ZNF536: variants seen among roughly 807,000 people sequenced by gnomAD.
The protein encoded by ZNF536 is zinc finger protein 536.
Under a neutral mutation model 84.5 loss-of-function variants are expected in ZNF536, and 13 were observed. The ratio of observed to expected loss-of-function variants is 0.15; its 90% CI spans 0.10 to 0.24. ZNF536 has a LOEUF of 0.24. Among genes scored for constraint, ZNF536 ranks in the 10% least tolerant of loss-of-function variants. ZNF536 has a pLI of 1.00. For missense variants in ZNF536, 1,536 were observed against 1,747.5 expected (o/e 0.88, Z 2.16); for synonymous variants, 811 against 742.5 (o/e 1.09, Z -1.50).
chr19:30,666,836 A>G (rs2050340480), intron 1 of ZNF536, among the ~76,000 whole-genome samples: 1 of 139,880 alleles, frequency 7.1e-6, no homozygotes, highest in Non-Finnish European at 1.6e-5. Context: ...GTGTGTGTAT[A>G]TATATATATA....
intron 1 of ZNF536, among the ~76,000 whole-genome samples, chr19:30,690,684 G>T (rs537597749): frequency 2.5e-4 from 38 of 152,204 alleles, no homozygotes; most frequent in Admixed American, 2.4e-3. Flanking sequence ...ATACCCAGCT[G>T]CCCCATTTCC....
At chr19:30,622,642 G>A (rs2048524269) in intron 1 of ZNF536, among the ~76,000 whole-genome samples, 1 of 152,172 alleles carries the variant, frequency 6.6e-6, no homozygotes, top group South Asian at 2.1e-4. Flanking sequence ...CAGACTATCT[G>A]GGGATGCTTT....
chr19:30,683,534 G>A (rs996491989), intron 1 of ZNF536, among the ~76,000 whole-genome samples: 3 of 152,112 alleles, frequency 2.0e-5, no homozygotes, highest in African/African-American at 7.2e-5. Context: ...CTGGGACTAG[G>A]AGGATAACCT....
At chr19:30,272,251 T>C (rs953774634) in intron 1 of ZNF536, among the ~76,000 whole-genome samples, 2 of 152,210 alleles carry the variant, frequency 1.3e-5, no homozygotes, top group African/African-American at 4.8e-5. Flanking sequence ...TGTAAATTAT[T>C]TTTTGAGCAG....
intron 1 of ZNF536, among the ~76,000 whole-genome samples, chr19:30,671,712 C>G (rs1224862729): frequency 6.6e-6 from 1 of 152,148 alleles, no homozygotes; most frequent in Non-Finnish European, 1.5e-5. Context: ...TGCGCTATCT[C>G]AGGAAGCACT....
At chr19:30,560,378 C>A (rs1269668044), downstream of ZNF536, among the ~76,000 whole-genome samples, 3 of 152,086 alleles carry the variant, frequency 2.0e-5, no homozygotes, top group Non-Finnish European at 4.4e-5. Context: ...CCCACCTCCC[C>A]TGTAAACCAC....
chr19:30,639,775 T>C (rs2049197299), intron 1 of ZNF536, among the ~76,000 whole-genome samples: 1 of 152,210 alleles, frequency 6.6e-6, no homozygotes, highest in Non-Finnish European at 1.5e-5. Context: ...ACTACGGATG[T>C]CTCTGCTTTG....
downstream of ZNF536, among the ~76,000 whole-genome samples, chr19:30,561,106 T>G (rs981258906): frequency 2.0e-5 from 3 of 152,264 alleles, no homozygotes; most frequent in African/African-American, 4.8e-5. Flanking sequence ...TTTGAACTTC[T>G]GTTGTTGTCA....
chr19:30,578,838 A>G (rs1453238705), intron 1 of ZNF536, among the ~76,000 whole-genome samples: 2 of 152,152 alleles, frequency 1.3e-5, no homozygotes, highest in Admixed American at 1.3e-4. Flanking sequence ...ATTTAGTCAA[A>G]AGAGAGTTAT....
chr19:30,484,661 TTTTTTC>T (rs2054225582), intron 2 of ZNF536, among the ~76,000 whole-genome samples: 1 of 140,078 alleles, frequency 7.1e-6, no homozygotes, highest in African/African-American at 3.1e-5. Flanking sequence ...GCGCACTTTC[TTTTTTC>T]TTCTTCTTCT....
At chr19:30,594,261 G>A (rs1411835205) in intron 1 of ZNF536, among the ~76,000 whole-genome samples, 1 of 152,134 alleles carries the variant, frequency 6.6e-6, no homozygotes, top group Non-Finnish European at 1.5e-5. Flanking sequence ...GTCCATACAC[G>A]GCCAGCAGCC....
chr19:30,421,439 G>C (rs966040486), intron 1 of ZNF536, among the ~76,000 whole-genome samples: 3 of 152,126 alleles, frequency 2.0e-5, no homozygotes, highest in Non-Finnish European at 2.9e-5. Flanking sequence ...TCAGGCTGGA[G>C]TGCAGTGGCA....
intron 3 of ZNF536, among the ~76,000 whole-genome samples, chr19:30,359,746 T>G (rs1322272090): frequency 6.6e-5 from 10 of 152,170 alleles, no homozygotes; most frequent in Non-Finnish European, 1.3e-4. Context: ...CTGCCTCCTC[T>G]GAGTCTGATT....
intron 2 of ZNF536, among the ~76,000 whole-genome samples, chr19:30,329,231 C>A (rs941666376): frequency 6.6e-6 from 1 of 152,200 alleles, no homozygotes; most frequent in Non-Finnish European, 1.5e-5. Context: ...TGAGACAGGT[C>A]CGAAAGGACT....
At chr19:30,489,259 T>A (rs1281438402) in intron 2 of ZNF536, among the ~76,000 whole-genome samples, 1 of 152,210 alleles carries the variant, frequency 6.6e-6, no homozygotes. Context: ...CCATTAACAA[T>A]CATGCATTGA....
At chr19:30,318,346 A>T (rs1258405169) in intron 2 of ZNF536, among the ~76,000 whole-genome samples, 1 of 152,252 alleles carries the variant, frequency 6.6e-6, no homozygotes, top group Non-Finnish European at 1.5e-5. Context: ...AATATCCAAG[A>T]ACAAGGAAGG....
intron 1 of ZNF536, among the ~76,000 whole-genome samples, chr19:30,403,410 A>G (rs2050134757): frequency 6.6e-6 from 1 of 152,242 alleles, no homozygotes; most frequent in African/African-American, 2.4e-5. Flanking sequence ...AAGGCTGCGC[A>G]AGAATGTGTT....
chr19:30,595,878 G>A (rs1343230000), intron 1 of ZNF536, among the ~76,000 whole-genome samples: 1 of 152,166 alleles, frequency 6.6e-6, no homozygotes, highest in Non-Finnish European at 1.5e-5. Context: ...AAGCAAGCAT[G>A]AGAGTCCCAG....
At chr19:30,384,060 TC>T (rs1331460733) in intron 1 of ZNF536, among the ~76,000 whole-genome samples, 4 of 142,030 alleles carry the variant, frequency 2.8e-5, no homozygotes. Context: ...ACTCACTTAC[TC>T]CTCCCCTTTA....
Sources: allele counts gnomAD v4.1 joint callset (sites outside exome capture counted in the v4.1 genomes callset), GRCh38; gene constraint gnomAD v4.1.1; transcripts MANE v1.5; gene names NCBI Gene and HGNC (gene_info 2026-07-23, HGNC 2026-07-21).